Variants in NCR2 observed in about 807,000 individuals in gnomAD.
NCR2 encodes the protein natural cytotoxicity triggering receptor 2, also known as NK cell activating receptor (NKp44).
In NCR2, 35 loss-of-function variants were observed where a neutral mutation model predicts 30.7. The ratio of observed to expected loss-of-function variants is 1.14; its 90% CI spans 0.87 to 1.51. NCR2 has a LOEUF of 1.51. Ranked by LOEUF, NCR2 falls within the 40% of genes most tolerant of loss-of-function variation. The pLI is 0.00. For missense variants in NCR2, 316 were observed against 328.9 expected (o/e 0.96, Z 0.30); for synonymous variants, 146 against 134.8 (o/e 1.08, Z -0.58).
At chr6:41,339,185 C>T (rs1044151968) in intron 2 of NCR2, among the ~76,000 whole-genome samples, 4 of 152,132 alleles carry the variant, frequency 2.6e-5, no homozygotes, top group Admixed American at 2.0e-4. Context: ...CCTCAGCCTC[C>T]GGTGTAGCTG....
chr6:41,347,026 A>G (rs1769316869), intron 4 of NCR2, among the ~76,000 whole-genome samples: 1 of 152,152 alleles, frequency 6.6e-6, no homozygotes, highest in Admixed American at 6.5e-5. Flanking sequence ...ACTTTCCTTC[A>G]GCTCCAAATA....
At chr6:41,347,816 A>T (rs960715790) in intron 4 of NCR2, among the ~76,000 whole-genome samples, 1 of 152,164 alleles carries the variant, frequency 6.6e-6, no homozygotes, top group Non-Finnish European at 1.5e-5. Context: ...CGCAGTCAGG[A>T]TGTCAGCAAG....
chr6:41,350,580 C>A lies in NCR2; in HGVS notation c.645-98C>A, dbSNP rs1327893609. On this transcript the variant is annotated intron_variant, in intron 4 of 4. Coordinates refer to ENST00000373089, the MANE Select transcript of NCR2 (RefSeq NM_004828.4). ...TTGTGAGGTGGGTATGGCAACCAAC[C>A]CTGCGAGTAGTGGGATGGGGAAGGG... is the stretch of plus-strand genomic sequence containing the variant. 2.3e-5 allele frequency: 25 copies of A among 1,075,730 alleles called. No individual in the cohort carries two copies. The Admixed American group carries it at 5.3e-4, about 23-fold the overall frequency. 66.6% of individuals were successfully genotyped at this position (1,075,730 alleles called of 1,614,324 possible). A position where few individuals can be genotyped will look rare whatever the true frequency, so the allele number is the denominator to read the frequency against.
rs991032274 is a variant in NCR2 at position 41,335,795 on chromosome 6, C to T, written c.-82C>T. 1.1e-5 allele frequency: 16 copies of T among 1,421,800 alleles called. No homozygotes were observed. Among genetic ancestry groups the T allele is most frequent in the Admixed American group, 2.0e-5 (1 of 50,834 alleles). 88.1% of individuals were successfully genotyped at this position (1,421,800 alleles called of 1,614,324 possible). A position where few individuals can be genotyped will look rare whatever the true frequency, so the allele number is the denominator to read the frequency against. ...TCTATCAGACGTGCTGGAAGAGCAG[C>T]AGAATCAGGCCCAGCTCCCAATTCC... On this transcript the variant is annotated 5_prime_UTR_variant, in exon 1 of 5. Transcript: ENST00000373089.
chr6:41,341,652 C>A, intron 2 of NCR2, 142 bp from the exon 3 acceptor site: 1 of 1,104,844 alleles, frequency 9.1e-7, no homozygotes, highest in Non-Finnish European at 1.3e-6. Flanking sequence ...ACAGTTCAGT[C>A]CCCACCCCTC....
intron 4 of NCR2, chr6:41,342,878 G>T (rs941643004): frequency 6.6e-7 from 1 of 1,523,238 alleles, no homozygotes; most frequent in African/African-American, 1.4e-5. Context: ...GTGTGAGAAC[G>T]GATTCAAGTC....
At chr6:41,350,639 G>A (rs1769403927) in intron 4 of NCR2, 39 bp from the exon 5 acceptor site, 1 of 1,582,772 alleles carries the variant, frequency 6.3e-7, no homozygotes, top group Admixed American at 1.7e-5. Flanking sequence ...TTATGTGGCA[G>A]TCTCTGACCA....
chr6:41,341,657 C>T, intron 2 of NCR2, 137 bp from the exon 3 acceptor site: 2 of 1,137,408 alleles, frequency 1.8e-6, no homozygotes, highest in South Asian at 3.0e-5. Context: ...TCAGTCCCCA[C>T]CCCTCAAATT....
At chr6:41,341,273 C>G (rs531783127) in intron 2 of NCR2, among the ~76,000 whole-genome samples, 1 of 152,120 alleles carries the variant, frequency 6.6e-6, no homozygotes, top group African/African-American at 2.4e-5. Flanking sequence ...GGTGCGCAGC[C>G]GGTTCACAGA....
intron 2 of NCR2, among the ~76,000 whole-genome samples, chr6:41,341,537 C>T (rs1358661454): frequency 2.0e-5 from 3 of 152,162 alleles, no homozygotes; most frequent in Non-Finnish European, 2.9e-5. Flanking sequence ...ACTCGAGTGC[C>T]TCCTGAGTCC....
At chr6:41,347,808 C>T (rs990904950) in intron 4 of NCR2, among the ~76,000 whole-genome samples, 2 of 152,162 alleles carry the variant, frequency 1.3e-5, no homozygotes, top group Admixed American at 1.3e-4. Context: ...TCTGGTGTCG[C>T]AGTCAGGATG....
Position 41,335,935 on chromosome 6 carries a change from G to A in NCR2, c.52+7G>A, listed in dbSNP as rs377485381. ...CTGCTGCTGCTGTTCCCAGGTGAGG[G>A]GGAGGAGGAGCCCAGGGAGCAGAGG... On this transcript the variant is annotated splice_region_variant and intron_variant, in intron 1 of 4. Transcript: ENST00000373089. 1.9e-6 allele frequency: 3 copies of A among 1,571,004 alleles called. No individual in the cohort carries two copies. Among genetic ancestry groups the A allele is most frequent in the African/African-American group, 2.7e-5 (2 of 73,880 alleles).
intron 2 of NCR2, among the ~76,000 whole-genome samples, chr6:41,341,188 G>T (rs902053131): frequency 3.3e-5 from 5 of 152,114 alleles, no homozygotes; most frequent in African/African-American, 7.2e-5. Flanking sequence ...TCCAGAGACA[G>T]CCATTCCCCA....
chr6:41,349,539 G>C (rs1414020037), intron 4 of NCR2, among the ~76,000 whole-genome samples: 2 of 152,084 alleles, frequency 1.3e-5, no homozygotes, highest in African/African-American at 4.8e-5. Flanking sequence ...GGAGGGGAGG[G>C]GGCTGAAGAC....
At chr6:41,342,850 C>T (rs1456860200) in intron 4 of NCR2, 1 of 1,410,392 alleles carries the variant, frequency 7.1e-7, no homozygotes, top group Non-Finnish European at 9.8e-7. Flanking sequence ...GAGGGGCAGG[C>T]TTGGGGAAAG....
At chr6:41,348,596 CT>C (rs1769356902) in intron 4 of NCR2, among the ~76,000 whole-genome samples, 1 of 152,116 alleles carries the variant, frequency 6.6e-6, no homozygotes, top group Non-Finnish European at 1.5e-5. Context: ...TTCCTCTGTG[CT>C]CGAGTATGTC....
intron 2 of NCR2, among the ~76,000 whole-genome samples, chr6:41,341,399 CCCA>C (rs2114055084): frequency 6.6e-6 from 1 of 152,222 alleles, no homozygotes; most frequent in East Asian, 1.9e-4. Flanking sequence ...CTTCAAATTC[CCCA>C]CAAGAGGCTC....
At chr6:41,350,532 G>A in intron 4 of NCR2, 146 bp from the exon 5 acceptor site, 1 of 661,632 alleles carries the variant, frequency 1.5e-6, no homozygotes, top group African/African-American at 1.8e-5. Context: ...TCTGGCAGCA[G>A]TGGCCAGGAG....
Position 41,336,304 on chromosome 6 carries a change from C to T in NCR2, c.270C>T (p.Gly90=). 1.2e-6 allele frequency: 2 copies of T among 1,614,156 alleles called. No individual in the cohort carries two copies. Among genetic ancestry groups the T allele is most frequent in the Non-Finnish European group, 1.7e-6 (2 of 1,180,036 alleles). ...CAATCTGGGACGACCCTGATGCTGG[C>T]TTCTTCACTGTCACCATGACTGATC... ...RFTIWDDPDA[G]FFTVTMTDLR... Residue 90 remains glycine (G), a synonymous_variant, in exon 2 of 5, where the codon GGC becomes GGT. Coordinates refer to ENST00000373089, the MANE Select transcript of NCR2 (RefSeq NM_004828.4).
Sources: gnomAD v4.1 joint callset for allele counts (sites outside exome capture counted in the v4.1 genomes callset) on GRCh38, gnomAD v4.1.1 for gene constraint, MANE v1.5 for transcripts, NCBI Gene and HGNC (gene_info 2026-07-23, HGNC 2026-07-21) for gene names.